The following MLXIP variants were observed in gnomAD, a reference collection of about 807,000 sequenced individuals.
MLXIP encodes MLX-interacting protein.
In MLXIP, 30 loss-of-function variants were observed where a neutral mutation model predicts 87.2. The ratio of observed to expected loss-of-function variants is 0.34; its 90% CI spans 0.26 to 0.47. The LOEUF (loss-of-function observed/expected upper bound fraction) is 0.47, where lower values mean the gene tolerates loss of function less well. Ranked by LOEUF, MLXIP falls within the 20% of genes least tolerant of loss-of-function variation. The probability of loss-of-function intolerance (pLI) is 1.00; values close to 1 mark genes in which losing one functional copy is unlikely to be tolerated. For synonymous variants in MLXIP, 530 were observed against 514.0 expected, an observed-to-expected ratio of 1.03 and a Z score of -0.42; for missense variants, 1,002 against 1,240.1, an observed-to-expected ratio of 0.81 and a Z score of 2.88.
intron 1 of MLXIP, among the ~76,000 whole-genome samples, chr12:122,094,578 GGTGTGTTGGTGT>G (rs1952317437): frequency 1.4e-5 from 2 of 143,060 alleles, no homozygotes; most frequent in Admixed American, 7.0e-5. Flanking sequence ...GTTGGTGTGT[GGTGTGTTGGTGT>G]GTGTGTTGGT....
chr12:122,088,071 G>A (rs918990522), intron 1 of MLXIP, among the ~76,000 whole-genome samples: 12 of 152,320 alleles, frequency 7.9e-5, no homozygotes, highest in Non-Finnish European at 1.2e-4. Flanking sequence ...AGCCAGAGCC[G>A]TGGGCGGGCA....
chr12:122,120,864 G>C (rs1952767980), intron 1 of MLXIP, among the ~76,000 whole-genome samples: 1 of 152,132 alleles, frequency 6.6e-6, no homozygotes, highest in Non-Finnish European at 1.5e-5. Flanking sequence ...GGGATGTTTT[G>C]CTAAGGGGTG....
At chr12:122,134,846 G>A (rs1435560469) in intron 9 of MLXIP, 1 of 274,824 alleles carries the variant, frequency 3.6e-6, no homozygotes, top group Non-Finnish European at 7.2e-6. Flanking sequence ...GGCTAATTTT[G>A]TATCTTCAGT....
intron 1 of MLXIP, among the ~76,000 whole-genome samples, chr12:122,121,408 C>T (rs1952782923): frequency 6.8e-6 from 1 of 148,066 alleles, no homozygotes; most frequent in Non-Finnish European, 1.5e-5. Context: ...GCTGGGATTA[C>T]AGGCACGTGC....
rs1368551598 is a variant in MLXIP at position 122,142,120 on chromosome 12, G to A, written c.*308G>A. 1 of 701,892 alleles carries A rather than the reference G, an allele frequency of 1.4e-6. No individual in the cohort carries two copies. The highest frequency in any genetic ancestry group is 2.6e-6 in the Non-Finnish European group (1 of 385,482). 43.5% of individuals were successfully genotyped at this position (701,892 alleles called of 1,614,324 possible). ...GTGCTGGCCGTGCTGGTCCTGCCCTGCTGGTGGCCTGCCGGGCCTGGCGCC... is the reference window on the plus strand; with the variant it reads ...GTGCTGGCCGTGCTGGTCCTGCCCTACTGGTGGCCTGCCGGGCCTGGCGCC... On this transcript the variant is annotated 3_prime_UTR_variant, in exon 17 of 17. Transcript: ENST00000319080.
At position 122,135,664 on chromosome 12, in the gene MLXIP, C is replaced by A. The variant is rs376858444; in HGVS notation, c.2030C>A (p.Pro677His). Reference protein sequence around the residue: ...GGSPQVTVTGPSRDCPNSGQA... With the variant: ...GGSPQVTVTGHSRDCPNSGQA... Reference sequence around the variant, plus strand: ...AGCCCCCAGGTCACTGTCACAGGGCCCAGTGAGTGTTCACTCGGCGGGATG... The same window carrying A: ...AGCCCCCAGGTCACTGTCACAGGGCACAGTGAGTGTTCACTCGGCGGGATG... Residue 677 changes from proline (P) to histidine (H), a missense_variant and splice_region_variant, in exon 11 of 17, where the codon CCC (proline) becomes CAC (histidine). This residue lies in a region of MLXIP where 746 missense variants were observed against 897.0 expected (regional missense o/e 0.83). Coordinates refer to ENST00000319080, the MANE Select transcript of MLXIP (RefSeq NM_014938.6). This position sits in a 1 kb window ranked among gnomAD's most constrained non-coding sequence, Gnocchi z 5.3. 2.0e-6 allele frequency: 3 copies of A among 1,497,758 alleles called. No individual in the cohort carries two copies. The highest frequency in any genetic ancestry group is 2.4e-5 in the East Asian group (1 of 41,178). 92.8% of individuals were successfully genotyped at this position (1,497,758 alleles called of 1,614,324 possible). A position where few individuals can be genotyped will look rare whatever the true frequency, so the allele number is the denominator to read the frequency against.
At chr12:122,123,912 A>C (rs1450032660) in intron 1 of MLXIP, among the ~76,000 whole-genome samples, 2 of 152,094 alleles carry the variant, frequency 1.3e-5, no homozygotes, top group Admixed American at 6.5e-5. Flanking sequence ...AGTTCTGCTC[A>C]CTGGGGCCAC....
At chr12:122,109,186 G>C (rs960614349) in intron 1 of MLXIP, among the ~76,000 whole-genome samples, 8 of 151,916 alleles carry the variant, frequency 5.3e-5, no homozygotes, top group Non-Finnish European at 8.8e-5. Flanking sequence ...GCCCACCTTG[G>C]CCTCCCAAAG....
chr12:122,130,130 C>T lies in MLXIP; in HGVS notation c.910+18C>T. The T allele has an allele frequency of 1.9e-6, 3 of 1,607,230 alleles. No homozygotes were observed. The highest frequency in any genetic ancestry group is 1.3e-5 in the African/African-American group (1 of 74,904). The stretch of plus-strand genomic sequence containing the variant: ...GGAAATAGGTAACCCAAACCAGGGC[C>T]TTGGGCTTTGAACAGCCAGCCGCTT... On this transcript the variant is annotated intron_variant, in intron 6 of 16. Transcript: ENST00000319080.
At chr12:122,098,116 T>C (rs556506768) in intron 1 of MLXIP, among the ~76,000 whole-genome samples, 1 of 152,372 alleles carries the variant, frequency 6.6e-6, no homozygotes, top group Admixed American at 6.5e-5. Flanking sequence ...TCTTTGTTTG[T>C]GTGCTTGTTG....
intron 1 of MLXIP, among the ~76,000 whole-genome samples, chr12:122,097,851 C>CCG (rs1565962411): frequency 6.6e-6 from 1 of 151,810 alleles, no homozygotes; most frequent in Non-Finnish European, 1.5e-5. Flanking sequence ...TGGGTTCCCC[C>CCG]TCCCCACAAG....
At chr12:122,127,481 G>A (rs1952899520) in intron 2 of MLXIP, 119 bp downstream of exon 2, 1 of 722,830 alleles carries the variant, frequency 1.4e-6, no homozygotes, top group Non-Finnish European at 2.2e-6. Context: ...AGTTCAGTCT[G>A]TGCAGACAGG....
chr12:122,118,160 TG>T (rs1363055141), intron 1 of MLXIP, among the ~76,000 whole-genome samples: 3 of 152,076 alleles, frequency 2.0e-5, no homozygotes, highest in Admixed American at 6.5e-5. Context: ...GCAACTACAG[TG>T]TGGATCTGCT....
chr12:122,080,343 C>T (rs1354888913), intron 1 of MLXIP, among the ~76,000 whole-genome samples: 9 of 152,084 alleles, frequency 5.9e-5, no homozygotes, highest in African/African-American at 2.2e-4. Context: ...GAGAAGTTTC[C>T]TAGGAGACTC....
At chr12:122,119,858 T>G (rs561956939) in intron 1 of MLXIP, among the ~76,000 whole-genome samples, 1 of 152,356 alleles carries the variant, frequency 6.6e-6, no homozygotes, top group East Asian at 1.9e-4. Flanking sequence ...GTCACAGGGA[T>G]GTGCAGTTAC....
chr12:122,088,796 C>CA (rs1039848255), intron 1 of MLXIP, among the ~76,000 whole-genome samples: 16 of 151,620 alleles, frequency 1.1e-4, no homozygotes, highest in Admixed American at 2.0e-4. Flanking sequence ...GTCACCAAAA[C>CA]AAAAAAACAG....
intron 1 of MLXIP, among the ~76,000 whole-genome samples, chr12:122,093,727 C>T (rs1226700170): frequency 8.4e-5 from 6 of 71,048 alleles, no homozygotes; most frequent in African/African-American, 2.2e-4. Context: ...GGTGTGTTTG[C>T]GGTGCCTGTG....
chr12:122,118,907 CTG>C (rs1254768510), intron 1 of MLXIP, among the ~76,000 whole-genome samples: 1 of 151,466 alleles, frequency 6.6e-6, no homozygotes, highest in African/African-American at 2.4e-5. Flanking sequence ...TGGCTCGTGC[CTG>C]TAATCCCAGC....
chr12:122,097,145 G>A (rs767973745), intron 1 of MLXIP, among the ~76,000 whole-genome samples: 20 of 152,106 alleles, frequency 1.3e-4, no homozygotes, highest in Non-Finnish European at 2.6e-4. Context: ...GCTTTTGGCC[G>A]AAGGCATGAG....
Sources: allele counts gnomAD v4.1 joint callset (sites outside exome capture counted in the v4.1 genomes callset), GRCh38; gene constraint gnomAD v4.1.1; regional missense constraint gnomAD v4.1.1; non-coding constraint Gnocchi (gnomAD v3.1); transcripts MANE v1.5; gene names NCBI Gene and HGNC (gene_info 2026-07-23, HGNC 2026-07-21).